KMT2C: variants seen among roughly 807,000 people sequenced by gnomAD.
The protein encoded by KMT2C is lysine methyltransferase 2C.
KMT2C carries 88 observed loss-of-function variants against 507.9 expected under a neutral mutation model. That is an observed-to-expected ratio of 0.17 (90% confidence interval 0.15 to 0.21). KMT2C has a LOEUF of 0.21. Among genes scored for constraint, KMT2C ranks in the 10% least tolerant of loss-of-function variants. The pLI is 1.00. For missense variants in KMT2C, 4,954 were observed against 5,957.8 expected, an observed-to-expected ratio of 0.83 and a Z score of 5.55; for synonymous variants, 2,049 against 2,080.8, an observed-to-expected ratio of 0.98 and a Z score of 0.42.
chr7:152,339,228 G>A (rs1437743630), intron 2 of KMT2C, among the ~76,000 whole-genome samples: 1 of 152,076 alleles, frequency 6.6e-6, no homozygotes, highest in Non-Finnish European at 1.5e-5. Context: ...GATTTTAGAG[G>A]GAGAAATTAC....
At chr7:152,180,344 A>G (rs2093391032) in intron 36 of KMT2C, among the ~76,000 whole-genome samples, 1 of 152,130 alleles carries the variant, frequency 6.6e-6, no homozygotes, top group Admixed American at 6.5e-5. Context: ...TTAAATCCTG[A>G]TACTTTCATT....
chr7:152,233,133 G>C (rs1462163330), intron 16 of KMT2C, among the ~76,000 whole-genome samples: 2 of 152,120 alleles, frequency 1.3e-5, no homozygotes, highest in Admixed American at 6.5e-5. Flanking sequence ...TAAATAATAA[G>C]TGCAGAAAAA....
At chr7:152,268,311 C>T (rs1463462442) in intron 7 of KMT2C, among the ~76,000 whole-genome samples, 2 of 152,044 alleles carry the variant, frequency 1.3e-5, no homozygotes, top group Non-Finnish European at 2.9e-5. Context: ...TTCCTGAATA[C>T]CTATTACCAC....
chr7:152,254,298 C>T (rs185656079), intron 9 of KMT2C, among the ~76,000 whole-genome samples: 3 of 151,910 alleles, frequency 2.0e-5, no homozygotes, highest in African/African-American at 7.3e-5. Flanking sequence ...TATCCTTTAT[C>T]TAATGAGAAG....
At chr7:152,341,110 CTTTA>C (rs2096987778) in intron 2 of KMT2C, among the ~76,000 whole-genome samples, 1 of 152,122 alleles carries the variant, frequency 6.6e-6, no homozygotes, top group Non-Finnish European at 1.5e-5. Context: ...TGAAATTTAA[CTTTA>C]TTTAGGCCTT....
chr7:152,171,632 C>T (rs538144760), intron 39 of KMT2C, among the ~76,000 whole-genome samples: 1 of 152,298 alleles, frequency 6.6e-6, no homozygotes, highest in South Asian at 2.1e-4. Flanking sequence ...CAATAAGAAG[C>T]CAGCTAGGCT....
rs1347626284 is a variant in KMT2C at position 152,177,681 on chromosome 7, C to T, written c.7772G>A (p.Gly2591Glu). Residue 2591 changes from glycine (G) to glutamate (E), a missense_variant, in exon 38 of 59, where the codon GGA (glycine) becomes GAA (glutamate). Physicochemically the swap from Gly to Glu is moderately conservative, Grantham distance 98 (BLOSUM62 -2). Around this residue, in one of 29 missense-constraint regions of KMT2C, gnomAD observed 1,689 missense variants for 1,654.3 expected, o/e 1.02. Transcript: ENST00000262189. ...AAAGTCTGGCCGGGGAATGAAGTTT[C>T]CATGTCTCAGATTAGAAGATGCCTC... ...VVEASSNLRH[G>E]NFIPRPDFPG... 3 of 1,614,062 alleles carry T rather than the reference C, an allele frequency of 1.9e-6. No homozygotes were observed. Among genetic ancestry groups the T allele is most frequent in the Non-Finnish European group, 2.5e-6 (3 of 1,180,016 alleles).
intron 3 of KMT2C, among the ~76,000 whole-genome samples, chr7:152,315,855 G>A (rs2096718305): frequency 6.6e-6 from 1 of 152,132 alleles, no homozygotes; most frequent in Non-Finnish European, 1.5e-5. Context: ...AGAGGTTGTA[G>A]TAAGCTGAGA....
intron 16 of KMT2C, among the ~76,000 whole-genome samples, chr7:152,230,830 T>C (rs1291462153): frequency 1.3e-5 from 2 of 152,218 alleles, no homozygotes; most frequent in Non-Finnish European, 2.9e-5. Context: ...ATCTTTATTT[T>C]GTTTTGAGAG....
chr7:152,339,054 A>G (rs561373442), intron 2 of KMT2C, among the ~76,000 whole-genome samples: 56 of 152,354 alleles, frequency 3.7e-4, no homozygotes, highest in African/African-American at 1.3e-3. Context: ...TGTGTAGCCT[A>G]CAAATATACT....
chr7:152,189,073 G>A (rs147663916), intron 31 of KMT2C, among the ~76,000 whole-genome samples: 16 of 151,968 alleles, frequency 1.1e-4, no homozygotes, highest in African/African-American at 3.1e-4. Flanking sequence ...ATTCTCATTC[G>A]AGCTTATTCA....
intron 15 of KMT2C, among the ~76,000 whole-genome samples, chr7:152,236,295 G>T (rs2095272700): frequency 6.6e-6 from 1 of 152,162 alleles, no homozygotes; most frequent in Non-Finnish European, 1.5e-5. Flanking sequence ...TAAGTATAAG[G>T]AAGAACTCTC....
chr7:152,221,011 T>C lies in KMT2C; in HGVS notation c.3500-276A>G, dbSNP rs753129061. On this transcript the variant is annotated intron_variant, in intron 22 of 58. Coordinates refer to ENST00000262189, the MANE Select transcript of KMT2C (RefSeq NM_170606.3). ...GGCTCATGCCTGTAATCCCAGCACT[T>C]TGGGGGGCCGAGGCGGCAGGCAGAT... Among the ~76,000 whole-genome samples, 45 of 152,038 alleles carry C rather than the reference T, an allele frequency of 3.0e-4. No homozygotes were observed. Among genetic ancestry groups the C allele is most frequent in the Non-Finnish European group, 4.7e-4 (32 of 67,996 alleles).
chr7:152,136,556 C>CAAA lies in KMT2C; in HGVS notation c.*273_*275dup. The CAAA allele has an allele frequency of 1.8e-5, 6 of 326,530 alleles. No individual in the cohort carries two copies. The East Asian group carries it at 2.9e-4, about 16-fold the overall frequency. 20.2% of individuals were successfully genotyped at this position (326,530 alleles called of 1,614,324 possible). Reference sequence around the variant, plus strand: ...AGGGAAAAACAAAACAAAAAACAAACAAAAAAAAAAGAAAAGGAAAAGAAA... The same window carrying CAAA: ...AGGGAAAAACAAAACAAAAAACAAACAAAAAAAAAAAAAGAAAAGGAAAAGAAA... On this transcript the variant is annotated 3_prime_UTR_variant, in exon 59 of 59. Transcript: ENST00000262189.
intron 1 of KMT2C, among the ~76,000 whole-genome samples, chr7:152,415,309 A>C (rs527681798): frequency 1.3e-5 from 2 of 148,682 alleles, no homozygotes; most frequent in African/African-American, 5.1e-5. Context: ...TTACTTTCTA[A>C]AAGTCAAAAA....
chr7:152,187,992 A>C, intron 31 of KMT2C, 145 bp from the exon 32 acceptor site: 1 of 765,296 alleles, frequency 1.3e-6, no homozygotes, highest in Non-Finnish European at 2.1e-6. Flanking sequence ...GATAGAAAAC[A>C]CAGGGAAACC....
chr7:152,269,570 T>G (rs2095920607), intron 7 of KMT2C, among the ~76,000 whole-genome samples: 1 of 152,150 alleles, frequency 6.6e-6, no homozygotes, highest in South Asian at 2.1e-4. Context: ...CTTTAAACAG[T>G]TGAAAAAGCA....
At position 152,148,205 on chromosome 7, in the gene KMT2C, T is replaced by G. The variant is rs2091328680; in HGVS notation, c.13722A>C (p.Ala4574=). The change falls in exon 52 of 59, where the codon GCA becomes GCC. Residue 4574 remains alanine, a synonymous_variant. Coordinates refer to ENST00000262189, the MANE Select transcript of KMT2C (RefSeq NM_170606.3). The surrounding 1 kb of genome is among the most constrained non-coding windows in gnomAD (Gnocchi z 7.1). The part of the protein sequence containing the change: ...QQMQAFHSPK[A]LFPVGYEASR... ...TGGCTTCATAGCCCACAGGGAAGAG[T>G]GCTTTAGGAGAATGGAATGCTTGCA... 6.2e-7 allele frequency: 1 copy of G among 1,613,572 alleles called. No homozygotes were observed. Among genetic ancestry groups the G allele is most frequent in the African/African-American group, 1.3e-5 (1 of 74,740 alleles).
intron 55 of KMT2C, among the ~76,000 whole-genome samples, chr7:152,143,146 A>G (rs148565984): frequency 5.4e-4 from 83 of 152,370 alleles, no homozygotes; most frequent in Middle Eastern, 6.8e-3. Context: ...AGCAGGGGAA[A>G]GCTAGAACTG....
Sources: allele counts gnomAD v4.1 joint callset (sites outside exome capture counted in the v4.1 genomes callset), GRCh38; gene constraint gnomAD v4.1.1; regional missense constraint gnomAD v4.1.1; non-coding constraint Gnocchi (gnomAD v3.1); transcripts MANE v1.5; gene names NCBI Gene and HGNC (gene_info 2026-07-23, HGNC 2026-07-21).